INTS7: variants seen among roughly 807,000 people sequenced by gnomAD.
The protein encoded by INTS7 is integrator complex subunit 7, also known as chromosome 1 open reading frame 73.
In INTS7, 46 loss-of-function variants were observed where a neutral mutation model predicts 109.2. The ratio of observed to expected loss-of-function variants is 0.42; its 90% CI spans 0.33 to 0.54. INTS7 has a LOEUF of 0.54. INTS7 is among the 20% of genes least tolerant of loss of function. The pLI is 0.07. For missense variants in INTS7, 929 were observed against 1,132.4 expected, an observed-to-expected ratio of 0.82 and a Z score of 2.58; for synonymous variants, 412 against 402.9, an observed-to-expected ratio of 1.02 and a Z score of -0.27.
At chr1:212,028,882 C>A (rs905843738) in intron 1 of INTS7, among the ~76,000 whole-genome samples, 9 of 152,162 alleles carry the variant, frequency 5.9e-5, no homozygotes, top group Admixed American at 3.9e-4. Flanking sequence ...GCGTAAGAAA[C>A]AACAATGCTG....
At position 211,959,329 on chromosome 1, in the gene INTS7, A is replaced by ATTTTT. The variant is rs2102398771; in HGVS notation, c.2184-6629_2184-6628insAAAAA. 6.6e-6 allele frequency among the ~76,000 whole-genome samples: 1 copy of ATTTTT among 152,290 alleles called. No individual in the cohort carries two copies. Among genetic ancestry groups the ATTTTT allele is most frequent in the African/African-American group, 2.4e-5 (1 of 41,568 alleles). Reference sequence around the variant, plus strand: ...CTTGACGATCAGATGGGGCCAGTCCATCTGGCCTCTCCTGGGGCCCCAACC... The same window carrying ATTTTT: ...CTTGACGATCAGATGGGGCCAGTCCATTTTTTCTGGCCTCTCCTGGGGCCCCAACC... On this transcript the variant is annotated intron_variant, in intron 16 of 19. Transcript: ENST00000366994. This position sits in a 1 kb window ranked among gnomAD's most constrained non-coding sequence, Gnocchi z 4.2.
At chr1:212,022,604 C>G (rs554269760) in intron 1 of INTS7, among the ~76,000 whole-genome samples, 7 of 152,306 alleles carry the variant, frequency 4.6e-5, no homozygotes, top group South Asian at 4.1e-4. Context: ...TACACATTCA[C>G]TAGAATGGCA....
At chr1:211,960,288 TA>T (rs879717277) in intron 16 of INTS7, among the ~76,000 whole-genome samples, 96 of 145,140 alleles carry the variant, frequency 6.6e-4, no homozygotes, top group African/African-American at 1.3e-3. Flanking sequence ...CAAATAGGAT[TA>T]AAAAAAAAAA....
At chr1:211,943,881 C>T (rs1243989803) in intron 19 of INTS7, among the ~76,000 whole-genome samples, 4 of 152,174 alleles carry the variant, frequency 2.6e-5, no homozygotes, top group South Asian at 2.1e-4. Context: ...GGACTTGGTC[C>T]CTTGCTTCAT....
intron 13 of INTS7, among the ~76,000 whole-genome samples, chr1:211,974,274 AAAAT>A (rs1170861608): frequency 5.0e-5 from 4 of 79,598 alleles, no homozygotes; most frequent in Non-Finnish European, 7.2e-5. Context: ...CCAGAAAAAA[AAAAT>A]ATATATATAT....
chr1:211,971,915 C>CAAAAAA (rs745814699), intron 13 of INTS7, among the ~76,000 whole-genome samples: 75 of 79,696 alleles, frequency 9.4e-4, no homozygotes, highest in South Asian at 1.3e-3. Context: ...AACTCAGTCT[C>CAAAAAA]AAAAAAAAAA....
chr1:211,965,967 T>G (rs1663858368), intron 16 of INTS7, among the ~76,000 whole-genome samples: 1 of 152,088 alleles, frequency 6.6e-6, no homozygotes, highest in African/African-American at 2.4e-5. Flanking sequence ...AAAATGTATA[T>G]TCCAAAAGAG....
At chr1:211,957,250 A>G (rs927017291) in intron 16 of INTS7, among the ~76,000 whole-genome samples, 1 of 152,160 alleles carries the variant, frequency 6.6e-6, no homozygotes, top group Admixed American at 6.5e-5. Context: ...CCAGTTTTAT[A>G]AAATTGGATT....
intron 1 of INTS7, among the ~76,000 whole-genome samples, chr1:212,022,391 A>C (rs1341510985): frequency 6.6e-6 from 1 of 152,250 alleles, no homozygotes; most frequent in Non-Finnish European, 1.5e-5. Flanking sequence ...TGCTGAAAGA[A>C]AACATTTACA....
chr1:212,013,614 G>T (rs1666260748), intron 4 of INTS7, among the ~76,000 whole-genome samples: 1 of 152,176 alleles, frequency 6.6e-6, no homozygotes, highest in South Asian at 2.1e-4. Flanking sequence ...CTCACTCACT[G>T]ATCACCCAGA....
chr1:211,959,045 A>G lies in INTS7; in HGVS notation c.2184-6344T>C, dbSNP rs1385957919. Among the ~76,000 whole-genome samples, 1 of 152,158 alleles carries G rather than the reference A, an allele frequency of 6.6e-6. No individual in the cohort carries two copies. Among genetic ancestry groups the G allele is most frequent in the Admixed American group, 6.5e-5 (1 of 15,278 alleles). On this transcript the variant is annotated intron_variant, in intron 16 of 19. Transcript: ENST00000366994. The surrounding 1 kb of genome is among the most constrained non-coding windows in gnomAD (Gnocchi z 4.2). ...GACTTGAACTGGCAAAAAAACAACC[A>G]GCTACTGCCACGGGCCTCTGGAATC...
chr1:211,971,233 G>A (rs977450731), intron 13 of INTS7, among the ~76,000 whole-genome samples: 42 of 152,254 alleles, frequency 2.8e-4, no homozygotes, highest in African/African-American at 9.6e-4. Context: ...GCCAAAAAAC[G>A]CTCCAGATAC....
intron 17 of INTS7, among the ~76,000 whole-genome samples, chr1:211,951,295 T>TTTTG (rs756625415): frequency 6.6e-6 from 1 of 151,914 alleles, no homozygotes; most frequent in South Asian, 2.1e-4. Context: ...TGAGTGTTTT[T>TTTTG]TTTGTTTGTT....
At chr1:211,986,477 C>A (rs1201382139) in intron 8 of INTS7, among the ~76,000 whole-genome samples, 1 of 152,054 alleles carries the variant, frequency 6.6e-6, no homozygotes, top group Non-Finnish European at 1.5e-5. Flanking sequence ...AATAGAAAAA[C>A]AAGGTCAGAA....
At chr1:211,962,150 T>C (rs748396817) in intron 16 of INTS7, among the ~76,000 whole-genome samples, 1 of 148,526 alleles carries the variant, frequency 6.7e-6, no homozygotes, top group Non-Finnish European at 1.5e-5. Context: ...ATTACATCCA[T>C]AGGCTCAAAA....
rs745615535 is a variant in INTS7 at position 212,035,473 on chromosome 1, G to T, written c.-36C>A. ...GTTACTCGACTAGCCTAGTCAGAAA[G>T]CTTGCAAACTCTACCCCAGGACCGC... On this transcript the variant is annotated 5_prime_UTR_variant, in exon 1 of 20. Transcript: ENST00000366994. The T allele has an allele frequency of 2.0e-6, 3 of 1,464,658 alleles. No individual in the cohort carries two copies. Among genetic ancestry groups the T allele is most frequent in the Non-Finnish European group, 2.9e-6 (3 of 1,043,808 alleles). 90.7% of individuals were successfully genotyped at this position (1,464,658 alleles called of 1,614,324 possible). A position where few individuals can be genotyped will look rare whatever the true frequency, so the allele number is the denominator to read the frequency against.
chr1:211,997,793 G>C (rs146274892), intron 7 of INTS7, among the ~76,000 whole-genome samples: 3,929 of 151,370 alleles, frequency 0.026, 58 homozygotes, highest in African/African-American at 0.046. Context: ...GCAGGAGAAT[G>C]GCTTGAACCT....
intron 17 of INTS7, among the ~76,000 whole-genome samples, chr1:211,951,027 C>T (rs940115222): frequency 1.3e-5 from 2 of 152,180 alleles, no homozygotes; most frequent in Non-Finnish European, 2.9e-5. Flanking sequence ...GACAATTTTA[C>T]ATGGAAAGCA....
At chr1:212,013,317 A>G (rs1166566408) in intron 4 of INTS7, among the ~76,000 whole-genome samples, 2 of 152,166 alleles carry the variant, frequency 1.3e-5, no homozygotes, top group African/African-American at 4.8e-5. Context: ...CACTGTGCCC[A>G]GCTATGTCTT....
Sources: allele counts gnomAD v4.1 joint callset (sites outside exome capture counted in the v4.1 genomes callset), GRCh38; gene constraint gnomAD v4.1.1; non-coding constraint Gnocchi (gnomAD v3.1); transcripts MANE v1.5; gene names NCBI Gene and HGNC (gene_info 2026-07-23, HGNC 2026-07-21).